The following PTPRD variants were observed in gnomAD, a reference collection of about 807,000 sequenced individuals.
The protein encoded by PTPRD is protein tyrosine phosphatase receptor type D, also known as receptor-type tyrosine-protein phosphatase delta.
Under a neutral mutation model 214.5 loss-of-function variants are expected in PTPRD, and 34 were observed. That is an observed-to-expected ratio of 0.16 (90% confidence interval 0.12 to 0.21). PTPRD has a LOEUF of 0.21. PTPRD is among the 10% of genes least tolerant of loss of function. PTPRD has a pLI of 1.00. For missense variants in PTPRD, 2,545 were observed against 2,398.7 expected (o/e 1.06, Z -1.27); for synonymous variants, 1,128 against 845.7 (o/e 1.33, Z -5.79).
chr9:9,358,574 G>A (rs546421803), intron 9 of PTPRD, among the ~76,000 whole-genome samples: 7 of 151,358 alleles, frequency 4.6e-5, no homozygotes, highest in African/African-American at 1.7e-4. Flanking sequence ...GCAATCCTGA[G>A]TATGTACTTG....
chr9:10,548,390 A>G (rs2060598703), intron 2 of PTPRD, among the ~76,000 whole-genome samples: 1 of 152,142 alleles, frequency 6.6e-6, no homozygotes. Flanking sequence ...TACATTTTCT[A>G]CTTCATATAT....
intron 45 of PTPRD, among the ~76,000 whole-genome samples, chr9:8,318,681 C>T (rs1824104224): frequency 6.6e-6 from 1 of 151,950 alleles, no homozygotes; most frequent in African/African-American, 2.4e-5. Flanking sequence ...TAAATTCAGC[C>T]CAATTCTGTG....
chr9:8,741,365 C>T (rs572915924), intron 11 of PTPRD, among the ~76,000 whole-genome samples: 1 of 152,150 alleles, frequency 6.6e-6, no homozygotes, highest in South Asian at 2.1e-4. Context: ...TTATGTGATG[C>T]CAGTAGAAAC....
At chr9:8,591,879 C>G (rs2094133487) in intron 14 of PTPRD, among the ~76,000 whole-genome samples, 1 of 152,080 alleles carries the variant, frequency 6.6e-6, no homozygotes, top group African/African-American at 2.4e-5. Flanking sequence ...GCTAGTTGGC[C>G]ATAAATAAGT....
At chr9:8,720,309 T>C (rs956588286) in intron 12 of PTPRD, among the ~76,000 whole-genome samples, 1 of 152,228 alleles carries the variant, frequency 6.6e-6, no homozygotes, top group East Asian at 1.9e-4. Context: ...TGACTCAATA[T>C]GTCAGAGAGT....
chr9:9,834,159 A>G lies in PTPRD; in HGVS notation c.-367-67308T>C, dbSNP rs143395195. ...TAATTTGGGGAACTAATATATGTCC[A>G]TAAAATCTTCACAATCCACGTTCTT... On this transcript the variant is annotated intron_variant, in intron 5 of 45. Transcript: ENST00000381196. 6.7e-3 allele frequency among the ~76,000 whole-genome samples: 1,027 copies of G among 152,198 alleles called. 10 individuals carry two copies. Among genetic ancestry groups the G allele is most frequent in the South Asian group, 0.029 (139 of 4,824 alleles).
chr9:8,437,240 C>G, intron 34 of PTPRD: 8 of 1,519,974 alleles, frequency 5.3e-6, no homozygotes, highest in Non-Finnish European at 7.0e-6. Flanking sequence ...TCATCTGAAC[C>G]TGCAAAGGAA....
At chr9:10,551,947 A>T (rs1316059693) in intron 2 of PTPRD, among the ~76,000 whole-genome samples, 5 of 151,996 alleles carry the variant, frequency 3.3e-5, no homozygotes, top group African/African-American at 1.2e-4. Flanking sequence ...ACATTCATCC[A>T]CTCAGTCGAA....
At chr9:10,483,466 A>G (rs531517328) in intron 2 of PTPRD, among the ~76,000 whole-genome samples, 1 of 152,246 alleles carries the variant, frequency 6.6e-6, no homozygotes, top group African/African-American at 2.4e-5. Context: ...ACAGCAAAAG[A>G]AATAATCGTC....
chr9:9,663,514 T>C (rs2096658435), intron 7 of PTPRD, among the ~76,000 whole-genome samples: 2 of 151,492 alleles, frequency 1.3e-5, no homozygotes, highest in Non-Finnish European at 3.0e-5. Flanking sequence ...GGTAGCTCAA[T>C]CATAAGCTAA....
At chr9:8,372,735 C>A (rs900419824) in intron 39 of PTPRD, among the ~76,000 whole-genome samples, 3 of 152,028 alleles carry the variant, frequency 2.0e-5, no homozygotes, top group African/African-American at 7.2e-5. Flanking sequence ...TAGGCTATCC[C>A]TAAAATTCTT....
At chr9:8,986,507 T>C (rs2099345948) in intron 11 of PTPRD, among the ~76,000 whole-genome samples, 1 of 151,406 alleles carries the variant, frequency 6.6e-6, no homozygotes, top group Non-Finnish European at 1.5e-5. Context: ...GTTTAGTATC[T>C]TTACTTTTCA....
Position 10,419,081 on chromosome 9 carries a change from A to G in PTPRD, c.-599-78064T>C, listed in dbSNP as rs541458434. Among the ~76,000 whole-genome samples, 14 of 152,014 alleles carry G rather than the reference A, an allele frequency of 9.2e-5. No individual in the cohort carries two copies. In the South Asian group the frequency reaches 2.7e-3, roughly 29 times the overall value. ...GGCTGAAGTACTCTTAGCCCCACCTACACAAAAATTGGTCCCACGTAGGGT... is the reference window on the plus strand; with the variant it reads ...GGCTGAAGTACTCTTAGCCCCACCTGCACAAAAATTGGTCCCACGTAGGGT... On this transcript the variant is annotated intron_variant, in intron 2 of 45. Coordinates refer to ENST00000381196, the MANE Select transcript of PTPRD (RefSeq NM_002839.4).
intron 14 of PTPRD, among the ~76,000 whole-genome samples, chr9:8,621,660 G>GGGAA (rs1230088653): frequency 8.4e-4 from 128 of 151,938 alleles, no homozygotes; most frequent in Non-Finnish European, 1.6e-3. Context: ...GAGCCAGTGA[G>GGGAA]TGTTAACTTT....
At chr9:9,819,102 A>G (rs2049812118) in intron 5 of PTPRD, among the ~76,000 whole-genome samples, 1 of 152,106 alleles carries the variant, frequency 6.6e-6, no homozygotes, top group Non-Finnish European at 1.5e-5. Context: ...GCAGTCCCAC[A>G]TCATGATCTA....
At chr9:8,739,705 CACTA>C (rs112416952) in intron 11 of PTPRD, among the ~76,000 whole-genome samples, 11,109 of 152,196 alleles carry the variant, frequency 0.073, 1,072 homozygotes, top group African/African-American at 0.23. Context: ...TTGGATCACT[CACTA>C]ACTGATATGG....
intron 11 of PTPRD, among the ~76,000 whole-genome samples, chr9:8,900,843 T>C (rs1446794457): frequency 1.3e-5 from 2 of 152,204 alleles, no homozygotes; most frequent in Non-Finnish European, 2.9e-5. Flanking sequence ...ATTTCAGCAA[T>C]GCTTTTTAGT....
intron 3 of PTPRD, among the ~76,000 whole-genome samples, chr9:10,232,523 C>G (rs189148367): frequency 2.6e-5 from 4 of 152,052 alleles, no homozygotes; most frequent in Admixed American, 2.6e-4. Flanking sequence ...GTATCATATT[C>G]AGGCCCTGCA....
intron 2 of PTPRD, among the ~76,000 whole-genome samples, chr9:10,478,899 G>A (rs1451245747): frequency 1.3e-5 from 2 of 151,824 alleles, no homozygotes; most frequent in African/African-American, 2.4e-5. Flanking sequence ...ATCTTGAAAT[G>A]AAATTTCAAA....
Sources: allele counts gnomAD v4.1 joint callset (sites outside exome capture counted in the v4.1 genomes callset), GRCh38; gene constraint gnomAD v4.1.1; transcripts MANE v1.5; gene names NCBI Gene and HGNC (gene_info 2026-07-23, HGNC 2026-07-21).